The following AUTS2 variants were observed in gnomAD, a reference collection of about 807,000 sequenced individuals.
AUTS2 encodes the protein autism susceptibility gene 2 protein.
A neutral mutation model predicts 112.4 loss-of-function variants in AUTS2; 17 were observed. The observed-to-expected ratio is 0.15, with a 90% CI of 0.10 to 0.23. The LOEUF (loss-of-function observed/expected upper bound fraction) is 0.23. Ranked by LOEUF, AUTS2 falls within the 10% of genes least tolerant of loss-of-function variation. The pLI is 1.00. For synonymous variants in AUTS2, 751 were observed against 702.7 expected (o/e 1.07, Z -1.09); for missense variants, 1,510 against 1,701.6 (o/e 0.89, Z 1.98).
intron 2 of AUTS2, among the ~76,000 whole-genome samples, chr7:70,052,866 T>G (rs956150943): frequency 2.0e-5 from 3 of 152,194 alleles, no homozygotes; most frequent in Non-Finnish European, 4.4e-5. Context: ...CAGCCAGGAT[T>G]AAAGTCTAGG....
At chr7:69,640,818 G>T (rs910686317) in intron 1 of AUTS2, among the ~76,000 whole-genome samples, 5 of 152,192 alleles carry the variant, frequency 3.3e-5, no homozygotes, top group African/African-American at 9.7e-5. Flanking sequence ...GGAATAAATA[G>T]AAGCAGCAAC....
chr7:69,657,089 C>A (rs575975358), intron 1 of AUTS2, among the ~76,000 whole-genome samples: 2 of 152,332 alleles, frequency 1.3e-5, no homozygotes, highest in Admixed American at 6.5e-5. Flanking sequence ...AAATACACAG[C>A]TGATGATGTC....
chr7:69,828,605 T>C (rs752643229), intron 1 of AUTS2, among the ~76,000 whole-genome samples: 7 of 152,232 alleles, frequency 4.6e-5, no homozygotes, highest in Non-Finnish European at 1.0e-4. Flanking sequence ...ATAACTATCT[T>C]ACCCCATTCA....
intron 11 of AUTS2, among the ~76,000 whole-genome samples, chr7:70,772,870 G>A (rs1180131200): frequency 2.0e-5 from 3 of 152,180 alleles, no homozygotes; most frequent in Non-Finnish European, 2.9e-5. Flanking sequence ...TCAGACCCTG[G>A]TCTGTCCCCT....
chr7:69,733,606 T>C (rs1381370948), intron 1 of AUTS2, among the ~76,000 whole-genome samples: 1 of 152,160 alleles, frequency 6.6e-6, no homozygotes, highest in Non-Finnish European at 1.5e-5. Context: ...ATGCTAACTT[T>C]CAAAGTTTTT....
chr7:69,932,683 G>C (rs1353240777), intron 2 of AUTS2, among the ~76,000 whole-genome samples: 1 of 152,208 alleles, frequency 6.6e-6, no homozygotes, highest in African/African-American at 2.4e-5. Flanking sequence ...TGAACACTCA[G>C]TGTGACTTTG....
chr7:70,491,764 A>G lies in AUTS2; in HGVS notation c.690+55983A>G, dbSNP rs1798256069. ...TGAGTAGCTGGGATTACAGGTGCCC[A>G]GCACCATGCCCAGCTAATTTTTGTA... On this transcript the variant is annotated intron_variant, in intron 5 of 18. Transcript: ENST00000342771. Among the ~76,000 whole-genome samples the G allele has an allele frequency of 2.6e-5, 4 of 151,318 alleles. No individual in the cohort carries two copies. The South Asian group carries it at 8.3e-4, about 32-fold the overall frequency.
chr7:69,715,130 C>T (rs1798538926), intron 1 of AUTS2, among the ~76,000 whole-genome samples: 1 of 150,918 alleles, frequency 6.6e-6, no homozygotes, highest in African/African-American at 2.4e-5. Flanking sequence ...CATTTACCAC[C>T]TGAGAAATCC....
chr7:69,669,344 T>C (rs1028822391), intron 1 of AUTS2, among the ~76,000 whole-genome samples: 14 of 152,116 alleles, frequency 9.2e-5, no homozygotes, highest in African/African-American at 2.7e-4. Context: ...TGTATGTGTA[T>C]GTACAATATA....
chr7:69,605,743 T>C (rs968420420), intron 1 of AUTS2, among the ~76,000 whole-genome samples: 4 of 152,324 alleles, frequency 2.6e-5, no homozygotes, highest in African/African-American at 9.6e-5. Flanking sequence ...ATTTTTCACT[T>C]TCTTTTTTGG....
chr7:70,057,130 G>A (rs1802029608), intron 2 of AUTS2, among the ~76,000 whole-genome samples: 1 of 152,020 alleles, frequency 6.6e-6, no homozygotes. Context: ...TTCTTGAATC[G>A]CATACAAAGC....
At chr7:69,998,405 C>A (rs1214538073) in intron 2 of AUTS2, among the ~76,000 whole-genome samples, 1 of 152,128 alleles carries the variant, frequency 6.6e-6, no homozygotes, top group African/African-American at 2.4e-5. Context: ...CTGTGTGGAG[C>A]CTTCCAAGTG....
intron 2 of AUTS2, among the ~76,000 whole-genome samples, chr7:70,040,035 G>GA (rs887433223): frequency 6.6e-6 from 1 of 152,142 alleles, no homozygotes; most frequent in African/African-American, 2.4e-5. Context: ...TATGGAGACA[G>GA]AAAAAATGAT....
chr7:70,701,595 G>A (rs772830727), intron 6 of AUTS2, among the ~76,000 whole-genome samples: 5 of 152,132 alleles, frequency 3.3e-5, no homozygotes, highest in South Asian at 2.1e-4. Context: ...CCGAATGGTC[G>A]TTTTCTTCTC....
chr7:69,699,048 G>A (rs1482671892), intron 1 of AUTS2, among the ~76,000 whole-genome samples: 1 of 152,064 alleles, frequency 6.6e-6, no homozygotes, highest in Non-Finnish European at 1.5e-5. Flanking sequence ...GAATATATAT[G>A]GCGAGGTGTG....
At chr7:70,010,185 G>A (rs929459804) in intron 2 of AUTS2, among the ~76,000 whole-genome samples, 1 of 151,816 alleles carries the variant, frequency 6.6e-6, no homozygotes, top group African/African-American at 2.4e-5. Context: ...TCATTCTGTT[G>A]CCCAAACTGG....
rs1794202456 is a variant in AUTS2 at position 70,398,901 on chromosome 7, TA to T, written c.661-36850del. Among the ~76,000 whole-genome samples the T allele has an allele frequency of 3.3e-5, 5 of 152,272 alleles. No individual in the cohort carries two copies. In the South Asian group the frequency reaches 1.0e-3, roughly 32 times the overall value. On this transcript the variant is annotated intron_variant, in intron 4 of 18. Transcript: ENST00000342771. ...TTTTCTAATCCTGGTTTTCTGATTTTATCAGGAATGAATGTTTGATTTTTGT... is the reference window on the plus strand; with the variant it reads ...TTTTCTAATCCTGGTTTTCTGATTTTTCAGGAATGAATGTTTGATTTTTGT...
At chr7:69,638,669 T>C (rs983708797) in intron 1 of AUTS2, among the ~76,000 whole-genome samples, 2 of 152,252 alleles carry the variant, frequency 1.3e-5, no homozygotes, top group African/African-American at 4.8e-5. Flanking sequence ...TCACCTATCC[T>C]ATTTCATTCA....
intron 1 of AUTS2, among the ~76,000 whole-genome samples, chr7:69,857,146 G>A (rs931613125): frequency 5.9e-5 from 9 of 152,134 alleles, no homozygotes; most frequent in African/African-American, 2.2e-4. Context: ...TCAGACATGT[G>A]CAGTGTATTC....
Sources: gnomAD v4.1 joint callset for allele counts (sites outside exome capture counted in the v4.1 genomes callset) on GRCh38, gnomAD v4.1.1 for gene constraint, MANE v1.5 for transcripts, NCBI Gene and HGNC (gene_info 2026-07-23, HGNC 2026-07-21) for gene names.